The following PDE3A variants were observed in gnomAD, a reference collection of about 807,000 sequenced individuals.
PDE3A encodes phosphodiesterase 3A.
A neutral mutation model predicts 98.3 loss-of-function variants in PDE3A; 43 were observed. The observed-to-expected ratio is 0.44, with a 90% CI of 0.34 to 0.56. The LOEUF (loss-of-function observed/expected upper bound fraction) is 0.56. Among genes scored for constraint, PDE3A ranks in the 20% least tolerant of loss-of-function variants. PDE3A has a pLI of 0.01. For missense variants in PDE3A, 1,427 were observed against 1,440.7 expected (o/e 0.99, Z 0.15); for synonymous variants, 663 against 567.9 (o/e 1.17, Z -2.38).
In PDE3A at chr12:20,532,687, CTTTTTTTT is replaced by C. The variant is rs137966114; in HGVS notation, c.961-23961_961-23954del. Among the ~76,000 whole-genome samples, 117 of 107,888 alleles carry C rather than the reference CTTTTTTTT, an allele frequency of 1.1e-3. 1 individual carries two copies. The highest frequency in any genetic ancestry group is 3.8e-3 in the African/African-American group (114 of 30,276). The allele number at this position is 107,888 out of a possible 152,430, so 70.8% of individuals were successfully genotyped here. On this transcript the variant is annotated intron_variant, in intron 1 of 15. Transcript: ENST00000359062. ...GGTTTTTGTGTATTAGTTTCTCTCTCTTTTTTTTTTTTTTTTTTTGAGACGGAGTCTCG... is the reference window on the plus strand; with the variant it reads ...GGTTTTTGTGTATTAGTTTCTCTCTCTTTTTTTTTTTGAGACGGAGTCTCG...
chr12:20,458,769 C>G (rs1193552589), intron 1 of PDE3A, among the ~76,000 whole-genome samples: 1 of 152,118 alleles, frequency 6.6e-6, no homozygotes, highest in Non-Finnish European at 1.5e-5. Context: ...AAACACAGAG[C>G]TATTCCAGTG....
chr12:20,662,666 G>A (rs183712394), intron 15 of PDE3A, among the ~76,000 whole-genome samples: 2 of 152,270 alleles, frequency 1.3e-5, no homozygotes, highest in East Asian at 3.9e-4. Context: ...GGTGACTTTG[G>A]TGCTATTAAA....
At chr12:20,623,945 A>G (rs918578824) in intron 5 of PDE3A, among the ~76,000 whole-genome samples, 1 of 152,152 alleles carries the variant, frequency 6.6e-6, no homozygotes, top group African/African-American at 2.4e-5. Context: ...TAGTATTTCC[A>G]GATTTGTGAA....
At chr12:20,662,695 T>TAA (rs1336395369) in intron 15 of PDE3A, among the ~76,000 whole-genome samples, 2 of 152,082 alleles carry the variant, frequency 1.3e-5, no homozygotes, top group East Asian at 3.8e-4. Context: ...GTTTTATGTA[T>TAA]TCAGAAAGAC....
intron 1 of PDE3A, among the ~76,000 whole-genome samples, chr12:20,543,724 G>A (rs532128470): frequency 2.0e-5 from 3 of 152,046 alleles, no homozygotes; most frequent in African/African-American, 7.2e-5. Context: ...TATATATCAT[G>A]TGAATTTTAC....
At chr12:20,629,751 C>T (rs1944340731) in intron 5 of PDE3A, among the ~76,000 whole-genome samples, 157 bp from the exon 6 acceptor site, 1 of 152,130 alleles carries the variant, frequency 6.6e-6, no homozygotes, top group Non-Finnish European at 1.5e-5. Flanking sequence ...CCCAACCACA[C>T]TGGCTTCAGA....
intron 1 of PDE3A, among the ~76,000 whole-genome samples, chr12:20,494,538 C>G (rs955923674): frequency 2.6e-5 from 4 of 151,552 alleles, no homozygotes; most frequent in African/African-American, 9.7e-5. Flanking sequence ...ATGTGTGTCT[C>G]TGTGTGTGTT....
In PDE3A at chr12:20,552,912, C is replaced by T; in HGVS notation, c.961-3748C>T. On this transcript the variant is annotated intron_variant, in intron 1 of 15. Coordinates refer to ENST00000359062, the MANE Select transcript of PDE3A (RefSeq NM_000921.5). This position sits in a 1 kb window ranked among gnomAD's most constrained non-coding sequence, Gnocchi z 5.1. The stretch of plus-strand genomic sequence containing the variant: ...GGGCACAGGTGTTCAGCTGCCCTGC[C>T]TGCCGCTACGACCTGGGCCGCAGCT... The T allele has an allele frequency of 6.2e-7, 1 of 1,600,384 alleles. No homozygotes were observed. The highest frequency in any genetic ancestry group is 8.5e-7 in the Non-Finnish European group (1 of 1,173,640).
At chr12:20,548,674 A>G (rs1208379725) in intron 1 of PDE3A, among the ~76,000 whole-genome samples, 2 of 152,054 alleles carry the variant, frequency 1.3e-5, no homozygotes, top group Middle Eastern at 3.2e-3. Context: ...GCTGCTATTC[A>G]TTTCTCTTGA....
intron 2 of PDE3A, among the ~76,000 whole-genome samples, chr12:20,600,024 A>C (rs1480070571): frequency 6.6e-6 from 1 of 152,148 alleles, no homozygotes; most frequent in Non-Finnish European, 1.5e-5. Flanking sequence ...TGCCATGGAC[A>C]CTACACTCCC....
At chr12:20,419,804 T>C (rs1424590795) in intron 1 of PDE3A, among the ~76,000 whole-genome samples, 2 of 150,378 alleles carry the variant, frequency 1.3e-5, no homozygotes, top group African/African-American at 2.5e-5. Context: ...GTGGCTGTGA[T>C]CTCGGCTCAC....
At chr12:20,509,525 G>T (rs914353081) in intron 1 of PDE3A, among the ~76,000 whole-genome samples, 1 of 151,740 alleles carries the variant, frequency 6.6e-6, no homozygotes, top group African/African-American at 2.4e-5. Flanking sequence ...AATTTTTAAA[G>T]TTTTTTTTCA....
At chr12:20,551,765 A>G in intron 1 of PDE3A, 1 of 1,613,458 alleles carries the variant, frequency 6.2e-7, no homozygotes, top group Non-Finnish European at 8.5e-7. Flanking sequence ...CGGCTGAGAG[A>G]GAGCAAGAAG....
intron 2 of PDE3A, among the ~76,000 whole-genome samples, chr12:20,608,413 T>C (rs1407084653): frequency 6.6e-6 from 1 of 152,136 alleles, no homozygotes; most frequent in East Asian, 1.9e-4. Flanking sequence ...AGTGTTCACT[T>C]CAGTTTCTTA....
chr12:20,406,758 T>C (rs2120688063), intron 1 of PDE3A, among the ~76,000 whole-genome samples: 1 of 152,258 alleles, frequency 6.6e-6, no homozygotes, highest in African/African-American at 2.4e-5. Flanking sequence ...ATGCTTTCGG[T>C]GTCATACCCA....
At chr12:20,401,783 G>A (rs1432935253) in intron 1 of PDE3A, among the ~76,000 whole-genome samples, 1 of 152,142 alleles carries the variant, frequency 6.6e-6, no homozygotes, top group Non-Finnish European at 1.5e-5. Flanking sequence ...AAGTGAGGGT[G>A]AGTTCCTTGA....
intron 2 of PDE3A, among the ~76,000 whole-genome samples, chr12:20,599,573 A>T (rs1398000221): frequency 6.6e-6 from 1 of 151,986 alleles, no homozygotes; most frequent in Non-Finnish European, 1.5e-5. Context: ...CTCACCTATA[A>T]ATCTGTATTC....
At position 20,369,822 on chromosome 12, in the gene PDE3A, G is replaced by T. The variant is rs1259801479; in HGVS notation, c.538G>T (p.Val180Phe). Residue 180 changes from valine to phenylalanine, a missense_variant, in exon 1 of 16, where the codon GTC becomes TTC. Physicochemically the swap from Val to Phe is conservative, Grantham distance 50 (BLOSUM62 -1). Transcript: ENST00000359062. ...AGCGCTCGTCCAGATTGGGCTGGGC[G>T]TCGGGGAGGATCACTTACTCTCACT... ...GEALVQIGLG[V>F]GEDHLLSLPA... 1.2e-6 allele frequency: 2 copies of T among 1,611,916 alleles called. No homozygotes were observed. Among genetic ancestry groups the T allele is most frequent in the Non-Finnish European group, 1.7e-6 (2 of 1,179,476 alleles).
intron 9 of PDE3A, among the ~76,000 whole-genome samples, chr12:20,637,758 A>G (rs1292081066): frequency 3.9e-5 from 6 of 152,150 alleles, no homozygotes; most frequent in Admixed American, 6.6e-5. Flanking sequence ...CCAGCCTTTG[A>G]GTATTGTTTT....
Sources: gnomAD v4.1 joint callset for allele counts (sites outside exome capture counted in the v4.1 genomes callset) on GRCh38, gnomAD v4.1.1 for gene constraint, Gnocchi (gnomAD v3.1) non-coding constraint, MANE v1.5 for transcripts, NCBI Gene and HGNC (gene_info 2026-07-23, HGNC 2026-07-21) for gene names.